KDM4C: variants seen among roughly 807,000 people sequenced by gnomAD.
KDM4C encodes the protein lysine-specific demethylase 4C.
In KDM4C, 81 loss-of-function variants were observed where a neutral mutation model predicts 129.3. That is an observed-to-expected ratio of 0.63 (90% confidence interval 0.52 to 0.75). The LOEUF (loss-of-function observed/expected upper bound fraction) is 0.75, where lower values mean the gene tolerates loss of function less well. Among genes scored for constraint, KDM4C ranks in the 30% least tolerant of loss-of-function variants. The pLI is 0.00. For missense variants in KDM4C, 1,457 were observed against 1,304.0 expected, an observed-to-expected ratio of 1.12 and a Z score of -1.81; for synonymous variants, 573 against 456.1, an observed-to-expected ratio of 1.26 and a Z score of -3.26.
At chr9:6,928,952 C>T (rs1305851100) in intron 8 of KDM4C, among the ~76,000 whole-genome samples, 2 of 152,200 alleles carry the variant, frequency 1.3e-5, no homozygotes, top group Admixed American at 6.5e-5. Flanking sequence ...CCCAGCACTA[C>T]CCACACCCTT....
intron 1 of KDM4C, among the ~76,000 whole-genome samples, chr9:6,737,209 T>C (rs1396102499): frequency 6.6e-6 from 1 of 152,012 alleles, no homozygotes; most frequent in Non-Finnish European, 1.5e-5. Context: ...AAAGAGCTTC[T>C]GCACAGTAAA....
intron 7 of KDM4C, among the ~76,000 whole-genome samples, chr9:6,888,382 G>C (rs925956819): frequency 6.6e-6 from 1 of 152,092 alleles, no homozygotes; most frequent in Non-Finnish European, 1.5e-5. Context: ...ATGTATATGT[G>C]ATCTATTTTC....
chr9:6,798,838 T>A, intron 2 of KDM4C, among the ~76,000 whole-genome samples: 1 of 151,640 alleles, frequency 6.6e-6, no homozygotes. Flanking sequence ...GCCCCTCACT[T>A]CTCAGACGGG....
intron 21 of KDM4C, among the ~76,000 whole-genome samples, chr9:7,172,276 A>C (rs565764447): frequency 1.3e-5 from 2 of 152,154 alleles, no homozygotes; most frequent in East Asian, 3.9e-4. Context: ...CCAGCAGTCC[A>C]CCTCAGTGAT....
At position 6,977,909 on chromosome 9, in the gene KDM4C, G is replaced by A. The variant is rs567367475; in HGVS notation, c.922-3016G>A. Among the ~76,000 whole-genome samples the A allele has an allele frequency of 5.9e-5, 9 of 152,200 alleles. No individual in the cohort carries two copies. The South Asian group carries it at 1.7e-3, about 28-fold the overall frequency. On this transcript the variant is annotated intron_variant, in intron 8 of 21. Transcript: ENST00000381309. The stretch of plus-strand genomic sequence containing the variant: ...CCCTTAAGACCATTTGTTAGATGCA[G>A]TATTCTGATTCTTATTTCTTTTGTT...
chr9:6,836,078 T>C (rs762879455), intron 4 of KDM4C, among the ~76,000 whole-genome samples: 2 of 152,106 alleles, frequency 1.3e-5, no homozygotes, highest in African/African-American at 2.4e-5. Flanking sequence ...TATGAAGGCT[T>C]TTGGTCTCCC....
chr9:6,866,058 A>AT (rs1422486375), intron 5 of KDM4C, among the ~76,000 whole-genome samples: 1 of 151,064 alleles, frequency 6.6e-6, no homozygotes, highest in African/African-American at 2.4e-5. Context: ...TAATTTTTGT[A>AT]TTTTTAGTTA....
chr9:6,734,823 A>G, intron 1 of KDM4C: 3 of 464,952 alleles, frequency 6.5e-6, no homozygotes, highest in South Asian at 5.1e-5. Flanking sequence ...TGTTTTCTCT[A>G]CAGGATCAAC....
intron 18 of KDM4C, chr9:7,105,441 A>G: frequency 2.1e-6 from 1 of 470,938 alleles, no homozygotes; most frequent in African/African-American, 2.0e-5. Flanking sequence ...TGAAAGTTGT[A>G]TTGCTACTAC....
At chr9:7,079,781 A>C (rs1325257417) in intron 17 of KDM4C, among the ~76,000 whole-genome samples, 3 of 152,214 alleles carry the variant, frequency 2.0e-5, no homozygotes, top group Non-Finnish European at 4.4e-5. Flanking sequence ...GGTTAAATGA[A>C]GACTTTCCTA....
chr9:7,143,505 C>G (rs922508757), intron 19 of KDM4C, among the ~76,000 whole-genome samples: 7 of 152,164 alleles, frequency 4.6e-5, no homozygotes, highest in African/African-American at 1.4e-4. Context: ...TCCACAGTTG[C>G]GTGCATCAGT....
intron 4 of KDM4C, among the ~76,000 whole-genome samples, chr9:6,829,913 T>G (rs979868595): frequency 2.0e-5 from 3 of 152,226 alleles, no homozygotes; most frequent in Admixed American, 6.5e-5. Context: ...TATAATTTTG[T>G]AAGATATAAA....
chr9:6,727,868 C>T (rs1240099098), intron 1 of KDM4C, among the ~76,000 whole-genome samples: 1 of 150,242 alleles, frequency 6.7e-6, no homozygotes, highest in Non-Finnish European at 1.5e-5. Context: ...AATCACATGC[C>T]TATGTAAGGA....
intron 18 of KDM4C, among the ~76,000 whole-genome samples, chr9:7,108,718 G>T (rs1393122346): frequency 6.6e-6 from 1 of 152,104 alleles, no homozygotes; most frequent in Non-Finnish European, 1.5e-5. Flanking sequence ...AACTAATCTT[G>T]GGGTGATGAT....
intron 1 of KDM4C, among the ~76,000 whole-genome samples, chr9:6,792,348 AAATTTTTATTT>A (rs764702439): frequency 2.1e-4 from 32 of 149,822 alleles, no homozygotes; most frequent in South Asian, 1.3e-3. Context: ...CTCAAAAAAA[AAATTTTTATTT>A]ATTTTTTATT....
intron 17 of KDM4C, among the ~76,000 whole-genome samples, chr9:7,059,188 C>T (rs1414831090): frequency 2.0e-5 from 3 of 152,150 alleles, no homozygotes; most frequent in Non-Finnish European, 2.9e-5. Context: ...CTTGCTCTGT[C>T]ACCCAGGTGG....
intron 18 of KDM4C, among the ~76,000 whole-genome samples, chr9:7,117,058 CAT>C (rs1838979619): frequency 6.6e-6 from 1 of 152,138 alleles, no homozygotes; most frequent in Admixed American, 6.5e-5. Context: ...TGATTATACC[CAT>C]GTGACAGGTT....
At chr9:7,159,894 G>A (rs116367301) in intron 19 of KDM4C, among the ~76,000 whole-genome samples, 1 of 152,128 alleles carries the variant, frequency 6.6e-6, no homozygotes, top group African/African-American at 2.4e-5. Flanking sequence ...CTAGGTTGGG[G>A]ACGTTCTCCT....
chr9:6,831,210 C>G (rs1834757948), intron 4 of KDM4C, among the ~76,000 whole-genome samples: 1 of 152,038 alleles, frequency 6.6e-6, no homozygotes, highest in Non-Finnish European at 1.5e-5. Flanking sequence ...GTAATAAAGA[C>G]CTCAGAATCA....
Sources: gnomAD v4.1 joint callset for allele counts (sites outside exome capture counted in the v4.1 genomes callset) on GRCh38, gnomAD v4.1.1 for gene constraint, MANE v1.5 for transcripts, NCBI Gene and HGNC (gene_info 2026-07-23, HGNC 2026-07-21) for gene names.